Variants in DNAI4 observed in about 807,000 individuals in gnomAD.
DNAI4 encodes dynein axonemal intermediate chain 4, also known as WD repeat domain 78.
DNAI4 carries 85 observed loss-of-function variants against 105.8 expected under a neutral mutation model. The ratio of observed to expected loss-of-function variants is 0.80; its 90% CI spans 0.67 to 0.96. DNAI4 has a LOEUF of 0.96. Among genes scored for constraint, DNAI4 ranks in the 40% least tolerant of loss-of-function variants. The pLI, the probability that DNAI4 is intolerant of heterozygous loss-of-function variation, is 0.00. For synonymous variants in DNAI4, 352 were observed against 331.5 expected (o/e 1.06, Z -0.67); for missense variants, 1,014 against 1,005.6 (o/e 1.01, Z -0.11).
chr1:66,874,754 C>T (rs190448335), intron 5 of DNAI4, 27 bp downstream of exon 5: 6 of 1,579,674 alleles, frequency 3.8e-6, no homozygotes, highest in Middle Eastern at 1.7e-4. Flanking sequence ...ATTACAGAAA[C>T]AATGTAGACA....
rs560364980 is a variant in DNAI4 at position 66,818,698 on chromosome 1, C to T, written c.2496+3663G>A. ...CTTTGGGAGGCCGAGGTGGGCGGAT[C>T]ACCTGAGGTCAGGAGTTCGAGACCA... On this transcript the variant is annotated intron_variant, in intron 16 of 16. Transcript: ENST00000371026. Among the ~76,000 whole-genome samples, 9 of 152,218 alleles carry T rather than the reference C, an allele frequency of 5.9e-5. No individual in the cohort carries two copies. In the South Asian group the frequency reaches 1.7e-3, roughly 28 times the overall value.
intron 10 of DNAI4, among the ~76,000 whole-genome samples, chr1:66,836,482 T>C (rs1286648690): frequency 6.6e-6 from 1 of 152,176 alleles, no homozygotes. Flanking sequence ...ATATAATTCC[T>C]GTCTTCTAGT....
chr1:66,866,306 C>G (rs1168589311), intron 6 of DNAI4, among the ~76,000 whole-genome samples: 2 of 113,680 alleles, frequency 1.8e-5, no homozygotes, highest in African/African-American at 3.3e-5. Context: ...GACTCTGTCT[C>G]AAAAAAAAAA....
chr1:66,826,763 T>C, intron 15 of DNAI4, 57 bp downstream of exon 15: 2 of 1,492,970 alleles, frequency 1.3e-6, no homozygotes, highest in Non-Finnish European at 1.8e-6. Context: ...AACTATCAGG[T>C]ATCACTTAGT....
At position 66,924,848 on chromosome 1, in the gene DNAI4, T is replaced by A; in HGVS notation, c.-17A>T. On this transcript the variant is annotated 5_prime_UTR_variant, in exon 1 of 17. Transcript: ENST00000371026. ...GGGCGTCATGGCGACGGTGGAGCCCTGGCTCAACAAGCGGCCGCGCGGTTG... is the reference window on the plus strand; with the variant it reads ...GGGCGTCATGGCGACGGTGGAGCCCAGGCTCAACAAGCGGCCGCGCGGTTG... 1.2e-6 allele frequency: 2 copies of A among 1,611,316 alleles called. No individual in the cohort carries two copies. Among genetic ancestry groups the A allele is most frequent in the East Asian group, 2.2e-5 (1 of 44,818 alleles).
chr1:66,880,140 C>T (rs1243672147), intron 4 of DNAI4, among the ~76,000 whole-genome samples: 1 of 152,218 alleles, frequency 6.6e-6, no homozygotes, highest in Admixed American at 6.5e-5. Flanking sequence ...GATGGTGAGG[C>T]CTCCCCAGCC....
intron 7 of DNAI4, among the ~76,000 whole-genome samples, chr1:66,858,532 C>CAAAAAAAAAAAAA (rs3033717): frequency 3.0e-4 from 19 of 63,526 alleles, no homozygotes; most frequent in East Asian, 5.9e-4. Flanking sequence ...GACTCCGTCT[C>CAAAAAAAAAAAAA]AAAAAAAAAA....
chr1:66,840,461 T>A lies in DNAI4; in HGVS notation c.1494+8A>T, dbSNP rs1367075341. 4 of 1,609,160 alleles carry A rather than the reference T, an allele frequency of 2.5e-6. No homozygotes were observed. In the Admixed American group the frequency reaches 6.7e-5, roughly 27 times the overall value. ...GAAACAGAATTGTTCAAATGTTTGA[T>A]AACTTACTGGATTTGTTTTATTCCA... On this transcript the variant is annotated splice_region_variant and intron_variant, in intron 9 of 16. Transcript: ENST00000371026.
chr1:66,854,289 G>T (rs553272149), intron 7 of DNAI4, among the ~76,000 whole-genome samples: 12 of 152,254 alleles, frequency 7.9e-5, no homozygotes, highest in Non-Finnish European at 1.5e-5. Flanking sequence ...TACTTGGGAG[G>T]CTGAGGTGGG....
chr1:66,822,190 A>T (rs1645643310), intron 16 of DNAI4, among the ~76,000 whole-genome samples, 171 bp downstream of exon 16: 2 of 152,164 alleles, frequency 1.3e-5, no homozygotes, highest in Non-Finnish European at 2.9e-5. Flanking sequence ...GCTGAAAAAA[A>T]AAAAATAACC....
chr1:66,903,930 T>C (rs1250748133), intron 2 of DNAI4, among the ~76,000 whole-genome samples: 3 of 151,920 alleles, frequency 2.0e-5, no homozygotes, highest in East Asian at 1.9e-4. Flanking sequence ...TCTTTCACCA[T>C]TGGAGAAAAT....
At chr1:66,866,694 T>C (rs1646741338) in intron 6 of DNAI4, among the ~76,000 whole-genome samples, 2 of 152,232 alleles carry the variant, frequency 1.3e-5, no homozygotes, top group Admixed American at 6.5e-5. Context: ...ACTTTGCATA[T>C]ATGAAAATGT....
At chr1:66,836,285 A>AAAGAAAG (rs1491402940) in intron 10 of DNAI4, among the ~76,000 whole-genome samples, 2 of 149,626 alleles carry the variant, frequency 1.3e-5, no homozygotes, top group African/African-American at 5.0e-5. Flanking sequence ...AGAAAGAAAG[A>AAAGAAAG]AAGAAAGAAA....
chr1:66,826,780 T>G (rs769960614), intron 15 of DNAI4, 40 bp downstream of exon 15: 5 of 1,559,220 alleles, frequency 3.2e-6, no homozygotes, highest in Non-Finnish European at 4.4e-6. Context: ...TAGTTTGAAC[T>G]GCTTCTACTA....
chr1:66,833,768 T>A (rs1572611540), intron 12 of DNAI4, 62 bp from the exon 13 acceptor site: 3 of 1,564,832 alleles, frequency 1.9e-6, no homozygotes, highest in Non-Finnish European at 2.6e-6. Context: ...ACCGCAAATA[T>A]CATGTGTGTT....
At chr1:66,833,356 A>C (rs927396543) in intron 13 of DNAI4, among the ~76,000 whole-genome samples, 1 of 152,118 alleles carries the variant, frequency 6.6e-6, no homozygotes, top group African/African-American at 2.4e-5. Flanking sequence ...ATCATCCCCC[A>C]AAAAACTCTA....
intron 4 of DNAI4, among the ~76,000 whole-genome samples, chr1:66,876,078 T>C (rs1229783703): frequency 6.6e-6 from 1 of 152,036 alleles, no homozygotes; most frequent in African/African-American, 2.4e-5. Context: ...TTTAAAAATA[T>C]TCTTTAATTT....
intron 8 of DNAI4, among the ~76,000 whole-genome samples, chr1:66,842,147 G>A (rs1052609561): frequency 1.8e-4 from 27 of 152,300 alleles, no homozygotes; most frequent in African/African-American, 5.8e-4. Flanking sequence ...CTCCAGGTCT[G>A]CTTCTGGCTT....
At chr1:66,880,283 T>C (rs1647040870) in intron 4 of DNAI4, among the ~76,000 whole-genome samples, 1 of 152,062 alleles carries the variant, frequency 6.6e-6, no homozygotes, top group Non-Finnish European at 1.5e-5. Context: ...CACCCGAAAA[T>C]GTGGAAGCAA....
Sources: gnomAD v4.1 joint callset for allele counts (sites outside exome capture counted in the v4.1 genomes callset) on GRCh38, gnomAD v4.1.1 for gene constraint, MANE v1.5 for transcripts, NCBI Gene and HGNC (gene_info 2026-07-23, HGNC 2026-07-21) for gene names.